The following RORA variants were observed in gnomAD, a reference collection of about 807,000 sequenced individuals.
RORA encodes nuclear receptor ROR-alpha.
In RORA, 7 loss-of-function variants were observed where a neutral mutation model predicts 69.5. The ratio of observed to expected loss-of-function variants is 0.10; its 90% CI spans 0.06 to 0.19. RORA has a LOEUF of 0.19. Among genes scored for constraint, RORA ranks in the 10% least tolerant of loss-of-function variants. RORA has a pLI of 1.00. For missense variants in RORA, 457 were observed against 663.0 expected (o/e 0.69, Z 3.41); for synonymous variants, 261 against 240.8 (o/e 1.08, Z -0.78).
intron 2 of RORA, among the ~76,000 whole-genome samples, chr15:60,538,336 T>C (rs2066746182): frequency 6.6e-6 from 1 of 152,054 alleles, no homozygotes; most frequent in African/African-American, 2.4e-5. Context: ...ACTTCCTCCA[T>C]CCATAAAAAT....
chr15:60,939,949 T>C (rs1320721995), intron 1 of RORA, among the ~76,000 whole-genome samples: 1 of 152,238 alleles, frequency 6.6e-6, no homozygotes, highest in Non-Finnish European at 1.5e-5. Context: ...CACTCTGTCA[T>C]GTGCCCGAAG....
chr15:60,581,851 TTC>T (rs2068204464), intron 2 of RORA, among the ~76,000 whole-genome samples: 1 of 152,228 alleles, frequency 6.6e-6, no homozygotes, highest in African/African-American at 2.4e-5. Context: ...TGGAGCTTAG[TTC>T]TGTTTTTCTT....
chr15:60,519,473 G>C (rs753914685), intron 3 of RORA, among the ~76,000 whole-genome samples: 19 of 152,168 alleles, frequency 1.2e-4, no homozygotes, highest in Non-Finnish European at 2.5e-4. Flanking sequence ...AACTTACACT[G>C]TCATCTTGTT....
chr15:61,152,954 C>T (rs1408011599), intron 1 of RORA, among the ~76,000 whole-genome samples: 4 of 152,146 alleles, frequency 2.6e-5, no homozygotes, highest in East Asian at 3.9e-4. Context: ...GCATTGTGGA[C>T]AGAGGGGTGA....
chr15:60,704,833 A>G (rs1271150192), intron 1 of RORA, among the ~76,000 whole-genome samples: 4 of 152,150 alleles, frequency 2.6e-5, no homozygotes, highest in African/African-American at 4.8e-5. Flanking sequence ...GAAGTGCTCC[A>G]CGTTTGCACC....
chr15:60,606,852 G>A (rs2068957622), intron 2 of RORA, among the ~76,000 whole-genome samples: 1 of 151,804 alleles, frequency 6.6e-6, no homozygotes, highest in African/African-American at 2.4e-5. Flanking sequence ...GAAGACAGAA[G>A]CCGAAAAAAC....
chr15:61,107,296 T>C (rs2078961164), intron 1 of RORA, among the ~76,000 whole-genome samples: 2 of 152,172 alleles, frequency 1.3e-5, no homozygotes, highest in African/African-American at 4.8e-5. Context: ...CATCTAAGAA[T>C]GCAAAAGTTT....
chr15:61,155,817 TC>T (rs2079437211), intron 1 of RORA, among the ~76,000 whole-genome samples: 1 of 152,132 alleles, frequency 6.6e-6, no homozygotes, highest in Admixed American at 6.5e-5. Flanking sequence ...CAGGCCCAGA[TC>T]CAAGGATTCA....
chr15:60,997,281 C>T (rs970211222), intron 1 of RORA, among the ~76,000 whole-genome samples: 5 of 151,988 alleles, frequency 3.3e-5, no homozygotes, highest in East Asian at 1.9e-4. Flanking sequence ...GAAAAGGTAT[C>T]GGATTTATAG....
rs992056173 is a variant in RORA, at chr15:60,491,716, A to AACAG, written c.*5735_*5738dup. On this transcript the variant is annotated 3_prime_UTR_variant, in exon 11 of 11. Transcript: ENST00000335670. The stretch of plus-strand genomic sequence containing the variant: ...TGACAACACTGATCTCACCTACACA[A>AACAG]ACAGACAGACAGACCCAGAAGTGAA... 6.6e-6 allele frequency: 1 copy of AACAG among 151,866 alleles called. No homozygotes were observed. The allele number at this position is 151,866 out of a possible 1,614,324, so 9.4% of individuals were successfully genotyped here. A position where few individuals can be genotyped will look rare whatever the true frequency, so the allele number is the denominator to read the frequency against.
At chr15:60,660,694 C>G (rs1327178659) in intron 2 of RORA, among the ~76,000 whole-genome samples, 1 of 152,058 alleles carries the variant, frequency 6.6e-6, no homozygotes, top group East Asian at 1.9e-4. Flanking sequence ...ACTGCTGTGA[C>G]TCATAACCAG....
chr15:60,721,511 G>C (rs964864667), intron 1 of RORA, among the ~76,000 whole-genome samples: 3 of 152,242 alleles, frequency 2.0e-5, no homozygotes, highest in East Asian at 3.8e-4. Context: ...ATACAGACCA[G>C]ATTTGTTGAG....
At position 60,996,154 on chromosome 15, in the gene RORA, T is replaced by C. The variant is rs1309709194; in HGVS notation, c.166+232899A>G. ...GGTGAGATCTCAGCTCACTGCAACCTCTGCCTCCCAGGTTCAAGTGATTCT... is the reference window on the plus strand; with the variant it reads ...GGTGAGATCTCAGCTCACTGCAACCCCTGCCTCCCAGGTTCAAGTGATTCT... On this transcript the variant is annotated intron_variant, in intron 1 of 10. Transcript: ENST00000335670. Among the ~76,000 whole-genome samples the C allele has an allele frequency of 2.0e-5, 3 of 150,966 alleles. No homozygotes were observed. In the East Asian group the frequency reaches 5.9e-4, roughly 30 times the overall value.
At chr15:60,785,353 A>G (rs1595713074) in intron 1 of RORA, among the ~76,000 whole-genome samples, 1 of 152,316 alleles carries the variant, frequency 6.6e-6, no homozygotes, top group East Asian at 1.9e-4. Flanking sequence ...AGAAGGAGAA[A>G]CTTTCAGCAT....
intron 2 of RORA, among the ~76,000 whole-genome samples, chr15:60,654,348 C>T (rs1376377093): frequency 6.6e-6 from 1 of 152,298 alleles, no homozygotes; most frequent in South Asian, 2.1e-4. Flanking sequence ...TCCCATATTT[C>T]ACTTTACACA....
At chr15:60,601,031 C>T (rs1011792239) in intron 2 of RORA, 2 of 152,152 alleles carry the variant, frequency 1.3e-5, no homozygotes, top group African/African-American at 4.8e-5. Flanking sequence ...GGCCAATAAC[C>T]GGTGGAACCA....
intron 1 of RORA, among the ~76,000 whole-genome samples, chr15:60,697,322 T>C (rs577818157): frequency 3.3e-5 from 5 of 152,326 alleles, no homozygotes; most frequent in African/African-American, 1.2e-4. Context: ...GAGCTACATG[T>C]ACCCCAACAA....
chr15:60,606,297 G>T (rs955025901), intron 2 of RORA, among the ~76,000 whole-genome samples: 1 of 152,172 alleles, frequency 6.6e-6, no homozygotes, highest in Admixed American at 6.5e-5. Context: ...ATGAATTAAA[G>T]GGCTCCTAAT....
At position 60,537,776 on chromosome 15, in the gene RORA, C is replaced by T. The variant is rs1384526986; in HGVS notation, c.197-5925G>A. ...ATATGTTTCCCTAGTACATTATTTTCTTCTCTTGATTTTGGATTCTTTCAT... is the reference window on the plus strand; with the variant it reads ...ATATGTTTCCCTAGTACATTATTTTTTTCTCTTGATTTTGGATTCTTTCAT... On this transcript the variant is annotated intron_variant, in intron 2 of 10. Coordinates refer to ENST00000335670, the MANE Select transcript of RORA (RefSeq NM_134261.3). The surrounding 1 kb of genome is among the most constrained non-coding windows in gnomAD (Gnocchi z 4.9). Among the ~76,000 whole-genome samples the T allele has an allele frequency of 1.3e-5, 2 of 152,184 alleles. No homozygotes were observed. The highest frequency in any genetic ancestry group is 2.9e-5 in the Non-Finnish European group (2 of 68,022).
Sources: gnomAD v4.1 joint callset for allele counts (sites outside exome capture counted in the v4.1 genomes callset) on GRCh38, gnomAD v4.1.1 for gene constraint, Gnocchi (gnomAD v3.1) non-coding constraint, MANE v1.5 for transcripts, NCBI Gene and HGNC (gene_info 2026-07-23, HGNC 2026-07-21) for gene names.